The following KDM2B variants were observed in gnomAD, a reference collection of about 807,000 sequenced individuals.
KDM2B encodes the protein lysine demethylase 2B, also known as lysine-specific demethylase 2B.
A neutral mutation model predicts 150.0 loss-of-function variants in KDM2B; 26 were observed. That is an observed-to-expected ratio of 0.17 (90% CI 0.13 to 0.24). The LOEUF (loss-of-function observed/expected upper bound fraction) is 0.24, where lower values mean the gene tolerates loss of function less well. KDM2B is among the 10% of genes least tolerant of loss of function. The pLI is 1.00. For synonymous variants in KDM2B, 734 were observed against 729.5 expected (o/e 1.01, Z -0.10); for missense variants, 1,265 against 1,816.9 (o/e 0.70, Z 5.52).
At chr12:121,412,847 C>T in the KDM2B span, among the ~76,000 whole-genome samples, 5 of 150,174 alleles carry the variant, frequency 3.3e-5, no homozygotes, top group South Asian at 1.1e-3. Context: ...GCCTTAGCCT[C>T]CCAAGTAGCT....
intron 12 of KDM2B, among the ~76,000 whole-genome samples, chr12:121,458,284 G>A (rs1878572914): frequency 1.3e-5 from 2 of 152,150 alleles, no homozygotes; most frequent in Non-Finnish European, 2.9e-5. Flanking sequence ...GCTGAAGCTG[G>A]AGAATCACTT....
chr12:121,553,354 G>A (rs1261962975), intron 4 of KDM2B, among the ~76,000 whole-genome samples: 2 of 152,090 alleles, frequency 1.3e-5, no homozygotes, highest in Non-Finnish European at 2.9e-5. Context: ...AGCTCCCTGT[G>A]CAAAGGAGTC....
Position 121,452,272 on chromosome 12 carries a change from AT to A in KDM2B, c.1959+847del, listed in dbSNP as rs1402951355. ...ATACTACTGTACTGCATACTTAAAA[AT>A]GATTAATGTATTTTTTTTACCACAA... On this transcript the variant is annotated intron_variant, in intron 13 of 22. Coordinates refer to ENST00000377071, the MANE Select transcript of KDM2B (RefSeq NM_032590.5). This position sits in a 1 kb window ranked among gnomAD's most constrained non-coding sequence, Gnocchi z 4.4. 1.3e-5 allele frequency among the ~76,000 whole-genome samples: 2 copies of A among 152,290 alleles called. No individual in the cohort carries two copies. The highest frequency in any genetic ancestry group is 3.8e-4 in the East Asian group (2 of 5,206).
intron 8 of KDM2B, chr12:121,524,680 C>T (rs1324974077): frequency 4.4e-6 from 2 of 454,356 alleles, no homozygotes; most frequent in African/African-American, 4.0e-5. Context: ...CCATACCCCT[C>T]CTCCGATGGC....
chr12:121,574,727 C>A, intron 3 of KDM2B, 134 bp from the exon 4 acceptor site: 2 of 752,556 alleles, frequency 2.7e-6, no homozygotes, highest in Non-Finnish European at 4.4e-6. Flanking sequence ...ATGAGAACAT[C>A]CAGAGGGAGA....
chr12:121,533,056 C>A lies in KDM2B; in HGVS notation c.778-97G>T. ...CCTGGCGGAAGGGGAGGGGGCGAGACAAGCTGTGTGTGGGGTGGGGGGTGT... is the reference window on the plus strand; with the variant it reads ...CCTGGCGGAAGGGGAGGGGGCGAGAAAAGCTGTGTGTGGGGTGGGGGGTGT... On this transcript the variant is annotated intron_variant, in intron 7 of 22. Transcript: ENST00000377071. The surrounding 1 kb of genome is among the most constrained non-coding windows in gnomAD (Gnocchi z 4.1). The A allele has an allele frequency of 1.6e-6, 2 of 1,275,754 alleles. No individual in the cohort carries two copies. The highest frequency in any genetic ancestry group is 1.3e-5 in the South Asian group (1 of 74,722). 79.0% of individuals were successfully genotyped at this position (1,275,754 alleles called of 1,614,324 possible).
At chr12:121,561,578 C>T (rs548544333) in intron 4 of KDM2B, among the ~76,000 whole-genome samples, 3 of 152,308 alleles carry the variant, frequency 2.0e-5, no homozygotes, top group African/African-American at 7.2e-5. Flanking sequence ...GATGCCTCCC[C>T]TACCTGCCGC....
At chr12:121,517,074 G>A (rs1555305150) in intron 9 of KDM2B, among the ~76,000 whole-genome samples, 1 of 152,066 alleles carries the variant, frequency 6.6e-6, no homozygotes, top group African/African-American at 2.4e-5. Context: ...ATATAAGAGA[G>A]ATGGCAATTT....
At chr12:121,580,482 C>A in intron 1 of KDM2B, 1 of 1,187,438 alleles carries the variant, frequency 8.4e-7, no homozygotes, top group Non-Finnish European at 1.0e-6. Flanking sequence ...CCTCTGCACG[C>A]AGGCGCCGCC....
rs1023740499 is a variant in KDM2B, at chr12:121,430,675, T to C, written c.3830-206A>G. 1 of 585,582 alleles carries C rather than the reference T, an allele frequency of 1.7e-6. No individual in the cohort carries two copies. Among genetic ancestry groups the C allele is most frequent in the Non-Finnish European group, 3.0e-6 (1 of 329,260 alleles). 36.3% of individuals were successfully genotyped at this position (585,582 alleles called of 1,614,324 possible). A position where few individuals can be genotyped will look rare whatever the true frequency, so the allele number is the denominator to read the frequency against. ...CTCACCCGCCAGGTATAAAGGTTAA[T>C]ATATGCCTCAAAAGCATTCAGATAA... is the stretch of plus-strand genomic sequence containing the variant. On this transcript the variant is annotated intron_variant, in intron 22 of 22. Coordinates refer to ENST00000377071, the MANE Select transcript of KDM2B (RefSeq NM_032590.5). The surrounding 1 kb of genome is among the most constrained non-coding windows in gnomAD (Gnocchi z 4.4).
At chr12:121,543,054 A>G (rs1398983047) in intron 6 of KDM2B, among the ~76,000 whole-genome samples, 1 of 152,242 alleles carries the variant, frequency 6.6e-6, no homozygotes, top group Non-Finnish European at 1.5e-5. Flanking sequence ...CAACTAAAAT[A>G]AAAATCACTG....
At chr12:121,511,638 C>T (rs1287439581) in intron 10 of KDM2B, among the ~76,000 whole-genome samples, 5 of 152,222 alleles carry the variant, frequency 3.3e-5, no homozygotes, top group African/African-American at 7.2e-5. Context: ...TTTCTTTTTG[C>T]GGTGATGAAA....
intron 9 of KDM2B, chr12:121,516,248 A>T (rs782111491): frequency 2.5e-5 from 8 of 315,112 alleles, no homozygotes; most frequent in Non-Finnish European, 4.9e-5. Flanking sequence ...CTGCTCGGAC[A>T]CCATGACCAC....
chr12:121,578,660 C>CCCA, intron 2 of KDM2B, 142 bp downstream of exon 2: 1 of 321,030 alleles, frequency 3.1e-6, no homozygotes, highest in South Asian at 4.6e-5. Flanking sequence ...CCCCACCCCC[C>CCCA]CAGTGCTCGG....
At position 121,467,629 on chromosome 12, in the gene KDM2B, C is replaced by G. The variant is rs1880250778; in HGVS notation, c.1735-14285G>C. 6.6e-6 allele frequency: 1 copy of G among 150,424 alleles called. No individual in the cohort carries two copies. The highest frequency in any genetic ancestry group is 6.6e-5 in the Admixed American group (1 of 15,118). 9.3% of individuals were successfully genotyped at this position (150,424 alleles called of 1,614,324 possible). A position where few individuals can be genotyped will look rare whatever the true frequency, so the allele number is the denominator to read the frequency against. On this transcript the variant is annotated intron_variant, in intron 12 of 22. Transcript: ENST00000377071. This position sits in a 1 kb window ranked among gnomAD's most constrained non-coding sequence, Gnocchi z 5.1. The stretch of plus-strand genomic sequence containing the variant: ...GCGCCCCGCCCGGCCCGGCCTGGCC[C>G]GCGCGCCGCGGGATGCACATGGGTG...
chr12:121,413,743 A>C, the KDM2B span, among the ~76,000 whole-genome samples: 23 of 151,420 alleles, frequency 1.5e-4, no homozygotes, highest in Middle Eastern at 3.4e-3. Context: ...TGCCCAGCTA[A>C]TTTTTTGTAT....
chr12:121,519,433 G>C (rs970419069), intron 9 of KDM2B, among the ~76,000 whole-genome samples: 2 of 152,164 alleles, frequency 1.3e-5, no homozygotes, highest in Non-Finnish European at 2.9e-5. Flanking sequence ...CTACAGAATG[G>C]AATATTATTC....
chr12:121,463,231 G>A (rs528589650), intron 12 of KDM2B, among the ~76,000 whole-genome samples: 12 of 151,894 alleles, frequency 7.9e-5, no homozygotes, highest in Admixed American at 6.6e-4. Flanking sequence ...AGGAAAAATC[G>A]CTTGAACCCA....
In KDM2B at chr12:121,513,175, C is replaced by T. The variant is rs1362258533; in HGVS notation, c.1174+101G>A. 26 of 1,399,308 alleles carry T rather than the reference C, an allele frequency of 1.9e-5. No homozygotes were observed. The highest frequency in any genetic ancestry group is 2.5e-5 in the Non-Finnish European group (25 of 1,012,402). 86.7% of individuals were successfully genotyped at this position (1,399,308 alleles called of 1,614,324 possible). On this transcript the variant is annotated intron_variant, in intron 10 of 22. Transcript: ENST00000377071. The surrounding 1 kb of genome is among the most constrained non-coding windows in gnomAD (Gnocchi z 5.0). The stretch of plus-strand genomic sequence containing the variant: ...GATTCTGCCCAATACACTGATTCAA[C>T]GAATCCCCAAAACTCAGGGAGTGTC...
Sources: allele counts gnomAD v4.1 joint callset (sites outside exome capture counted in the v4.1 genomes callset), GRCh38; gene constraint gnomAD v4.1.1; non-coding constraint Gnocchi (gnomAD v3.1); transcripts MANE v1.5; gene names NCBI Gene and HGNC (gene_info 2026-07-23, HGNC 2026-07-21).